MSR1: variants seen among roughly 807,000 people sequenced by gnomAD.
The protein encoded by MSR1 is macrophage scavenger receptor types I and II.
MSR1 carries 53 observed loss-of-function variants against 47.2 expected under a neutral mutation model. The ratio of observed to expected loss-of-function variants is 1.12; its 90% CI spans 0.90 to 1.41. The LOEUF (loss-of-function observed/expected upper bound fraction) is 1.41, where lower values mean the gene tolerates loss of function less well. Among genes scored for constraint, MSR1 ranks in the 40% most tolerant of loss-of-function variants. The pLI is 0.00. For synonymous variants in MSR1, 239 were observed against 185.6 expected, an observed-to-expected ratio of 1.29 and a Z score of -2.34; for missense variants, 786 against 546.9, an observed-to-expected ratio of 1.44 and a Z score of -4.36.
intron 7 of MSR1, among the ~76,000 whole-genome samples, chr8:16,147,684 G>A (rs900916456): frequency 2.0e-5 from 3 of 152,108 alleles, no homozygotes; most frequent in Non-Finnish European, 4.4e-5. Context: ...AGGAGAGACT[G>A]TACTGTTCCT....
At chr8:16,171,977 T>A (rs1339152290) in intron 3 of MSR1, among the ~76,000 whole-genome samples, 1 of 152,188 alleles carries the variant, frequency 6.6e-6, no homozygotes, top group Non-Finnish European at 1.5e-5. Context: ...AATAAGCACT[T>A]GAAAAGTTTC....
chr8:16,176,277 C>A (rs1036325152), intron 2 of MSR1, among the ~76,000 whole-genome samples: 1 of 151,988 alleles, frequency 6.6e-6, no homozygotes. Flanking sequence ...GAGGCCAAGG[C>A]GGGAGGATGG....
rs1308843524 is a variant in MSR1 at position 16,163,963 on chromosome 8, CTATT to C, written c.817+98_817+101del. The C allele has an allele frequency of 7.5e-6, 7 of 937,914 alleles. No homozygotes were observed. In the African/African-American group the frequency reaches 8.4e-5, roughly 11 times the overall value. 58.1% of individuals were successfully genotyped at this position (937,914 alleles called of 1,614,324 possible). ...TTTGCAGTAAATGTAAGCTCAGAAACTATTTATTTCAAACCATAGGATTTCAAAT... is the reference window on the plus strand; with the variant it reads ...TTTGCAGTAAATGTAAGCTCAGAAACTATTTCAAACCATAGGATTTCAAAT... On this transcript the variant is annotated intron_variant, in intron 5 of 9. Transcript: ENST00000262101.
intron 4 of MSR1, 39 bp from the exon 5 acceptor site, chr8:16,164,290 T>C (rs754963103): frequency 7.1e-6 from 11 of 1,547,326 alleles, no homozygotes; most frequent in Admixed American, 3.4e-5. Context: ...CTTTGTTACA[T>C]ACATAATTAT....
Position 16,143,589 on chromosome 8 carries a change from C to T in MSR1, c.1002G>A (p.Gln334=). The T allele has an allele frequency of 6.2e-7, 1 of 1,612,522 alleles. No homozygotes were observed. Residue 334 remains glutamine, a synonymous_variant, in exon 8 of 10, where the codon CAG becomes CAA. Coordinates refer to ENST00000262101, the MANE Select transcript of MSR1 (RefSeq NM_138715.3). The stretch of plus-strand genomic sequence containing the variant: ...TGTTTCCACTCCCCTTTTCCCCTTT[C>T]TGGCCTTTTGGTCCAGAATTTCCTT... ...GRPGNSGPKG[Q]KGEKGSGNTL... is the part of the protein sequence containing the mutation.
At position 16,108,487 on chromosome 8, in the gene MSR1, G is replaced by C. The variant is rs1389660896; in HGVS notation, c.*1598C>G. ...TGATCTCAGACATCCCAAACAGGCTGATAATGCAAATGATTCTTTCAGAAA... is the reference window on the plus strand; with the variant it reads ...TGATCTCAGACATCCCAAACAGGCTCATAATGCAAATGATTCTTTCAGAAA... On this transcript the variant is annotated 3_prime_UTR_variant, in exon 10 of 10. Coordinates refer to ENST00000262101, the MANE Select transcript of MSR1 (RefSeq NM_138715.3). 6.6e-6 allele frequency: 1 copy of C among 152,012 alleles called. No homozygotes were observed. The highest frequency in any genetic ancestry group is 1.5e-5 in the Non-Finnish European group (1 of 67,992). 9.4% of individuals were successfully genotyped at this position (152,012 alleles called of 1,614,324 possible). A position where few individuals can be genotyped will look rare whatever the true frequency, so the allele number is the denominator to read the frequency against.
chr8:16,168,023 G>A (rs1300235391), intron 4 of MSR1, among the ~76,000 whole-genome samples: 1 of 152,024 alleles, frequency 6.6e-6, no homozygotes, highest in Non-Finnish European at 1.5e-5. Context: ...GACACCTTAA[G>A]GTGAGGACCA....
At chr8:16,120,821 C>T (rs571879349) in intron 8 of MSR1, 104 of 606,800 alleles carry the variant, frequency 1.7e-4, no homozygotes, top group African/African-American at 6.7e-4. Context: ...CTGTTAAGAG[C>T]AAAATCCAAT....
chr8:16,161,893 T>TAATGATATAAAATGATATAA (rs1801173798), intron 5 of MSR1, among the ~76,000 whole-genome samples: 1 of 151,980 alleles, frequency 6.6e-6, no homozygotes, highest in South Asian at 2.1e-4. Flanking sequence ...TTCTAGTTGC[T>TAATGATATAAAATGATATAA]AATGATATAA....
intron 5 of MSR1, among the ~76,000 whole-genome samples, chr8:16,160,846 C>G (rs1801140241): frequency 6.6e-6 from 1 of 151,734 alleles, no homozygotes; most frequent in African/African-American, 2.4e-5. Context: ...AGAAGGATGA[C>G]AGAGGGAAGA....
At chr8:16,111,983 G>A (rs753148225) in intron 9 of MSR1, among the ~76,000 whole-genome samples, 7 of 152,092 alleles carry the variant, frequency 4.6e-5, no homozygotes, top group Non-Finnish European at 8.8e-5. Flanking sequence ...GCCTACACGA[G>A]TGAACAAGAC....
intron 1 of MSR1, among the ~76,000 whole-genome samples, chr8:16,187,233 G>T (rs974228834): frequency 2.6e-5 from 4 of 151,126 alleles, no homozygotes; most frequent in African/African-American, 9.7e-5. Context: ...TGTGGTGGCG[G>T]GTACCTCTAA....
chr8:16,171,262 A>T (rs1012058648), intron 3 of MSR1, among the ~76,000 whole-genome samples: 1 of 150,068 alleles, frequency 6.7e-6, no homozygotes, highest in African/African-American at 2.4e-5. Context: ...AAGCTGTTTG[A>T]TAAGCATTAC....
rs887227806 is a variant in MSR1 at position 16,177,903 on chromosome 8, G to A, written c.86C>T (p.Thr29Ile). The A allele has an allele frequency of 1.2e-6, 2 of 1,613,738 alleles. No individual in the cohort carries two copies. Among genetic ancestry groups the A allele is most frequent in the African/African-American group, 1.3e-5 (1 of 74,918 alleles). Residue 29 changes from threonine (T) to isoleucine (I), a missense_variant, in exon 2 of 10, where the codon ACA becomes ATA. Physicochemically the swap from Thr to Ile is moderately conservative, Grantham distance 89 (BLOSUM62 -1). Coordinates refer to ENST00000262101, the MANE Select transcript of MSR1 (RefSeq NM_138715.3). ...CTACTTACTCGGAGGAAGCAAAGCT[G>A]TCATTGAGCGAGCATCAAATTTCAC... ...ESVKFDARSM[T>I]ALLPPNPKNS...
At chr8:16,191,381 T>A (rs954277869) in intron 1 of MSR1, among the ~76,000 whole-genome samples, 2 of 152,170 alleles carry the variant, frequency 1.3e-5, no homozygotes, top group Non-Finnish European at 2.9e-5. Flanking sequence ...CTTATTTGAA[T>A]TGAACTTTCT....
chr8:16,168,875 A>G lies in MSR1; in HGVS notation c.218-5T>C, dbSNP rs762407072. 6 of 1,611,190 alleles carry G rather than the reference A, an allele frequency of 3.7e-6. No homozygotes were observed. Among genetic ancestry groups the G allele is most frequent in the East Asian group, 2.2e-5 (1 of 44,860 alleles). On this transcript the variant is annotated splice_polypyrimidine_tract_variant and splice_region_variant and intron_variant, in intron 3 of 9. Coordinates refer to ENST00000262101, the MANE Select transcript of MSR1 (RefSeq NM_138715.3). ...TTTCCCACTTCAGGAGTTGAGCTGT[A>G]TATTTAAGTAAAAATAAACCAGTCA...
intron 8 of MSR1, among the ~76,000 whole-genome samples, chr8:16,130,534 G>C (rs1443546444): frequency 1.3e-5 from 2 of 152,016 alleles, no homozygotes; most frequent in Admixed American, 6.6e-5. Flanking sequence ...TGGTTATATA[G>C]GTAAATTGCG....
intron 6 of MSR1, among the ~76,000 whole-genome samples, chr8:16,150,768 G>C (rs1800833386): frequency 6.6e-6 from 1 of 151,464 alleles, no homozygotes; most frequent in Admixed American, 6.6e-5. Context: ...TGGTGTCTTG[G>C]CTCTGAAATA....
chr8:16,151,613 C>A (rs976170092), intron 6 of MSR1, among the ~76,000 whole-genome samples: 1 of 152,116 alleles, frequency 6.6e-6, no homozygotes, highest in South Asian at 2.1e-4. Context: ...CTGGCACCTG[C>A]TTCTAACTCA....
Sources: gnomAD v4.1 joint callset for allele counts (sites outside exome capture counted in the v4.1 genomes callset) on GRCh38, gnomAD v4.1.1 for gene constraint, MANE v1.5 for transcripts, NCBI Gene and HGNC (gene_info 2026-07-23, HGNC 2026-07-21) for gene names.